The following TMCC3 variants were observed in gnomAD, a reference collection of about 807,000 sequenced individuals.
TMCC3 encodes the protein transmembrane and coiled-coil domain family 3.
TMCC3 carries 28 observed loss-of-function variants against 40.2 expected under a neutral mutation model. That is an observed-to-expected ratio of 0.70 (90% confidence interval 0.52 to 0.95). TMCC3 has a LOEUF of 0.95. TMCC3 is among the 40% of genes least tolerant of loss of function. The pLI, the probability that TMCC3 is intolerant of heterozygous loss-of-function variation, is 0.00. For missense variants in TMCC3, 554 were observed against 615.2 expected, an observed-to-expected ratio of 0.90 and a Z score of 1.05; for synonymous variants, 255 against 248.5, an observed-to-expected ratio of 1.03 and a Z score of -0.25.
At chr12:94,628,540 T>C (rs577005303) in intron 1 of TMCC3, among the ~76,000 whole-genome samples, 74 of 152,348 alleles carry the variant, frequency 4.9e-4, no homozygotes, top group East Asian at 3.9e-3. Flanking sequence ...ACAGAATGAC[T>C]GGCAGGAGTG....
chr12:94,572,324 TTTTTGA>T (rs1437137655), intron 3 of TMCC3, among the ~76,000 whole-genome samples: 5 of 128,608 alleles, frequency 3.9e-5, no homozygotes, highest in African/African-American at 8.5e-5. Context: ...TTTTTTTTTT[TTTTTGA>T]GACAGAGTTT....
At chr12:94,633,586 G>A (rs1425676355) in intron 1 of TMCC3, among the ~76,000 whole-genome samples, 2 of 152,072 alleles carry the variant, frequency 1.3e-5, no homozygotes, top group Non-Finnish European at 2.9e-5. Context: ...TGTTTCTGAT[G>A]GGCCATTTCA....
intron 1 of TMCC3, among the ~76,000 whole-genome samples, chr12:94,585,659 C>T (rs1045682775): frequency 1.7e-4 from 25 of 149,992 alleles, no homozygotes; most frequent in Non-Finnish European, 1.2e-4. Context: ...GCACTCCAGC[C>T]TGAGTGACAG....
chr12:94,622,593 G>A (rs1035669605), intron 1 of TMCC3, among the ~76,000 whole-genome samples: 2 of 152,036 alleles, frequency 1.3e-5, no homozygotes, highest in African/African-American at 4.8e-5. Flanking sequence ...GACTGATGTC[G>A]ACTCAGGAAA....
At chr12:94,648,375 C>A (rs539171039) in intron 1 of TMCC3, among the ~76,000 whole-genome samples, 7 of 152,088 alleles carry the variant, frequency 4.6e-5, no homozygotes, top group Admixed American at 1.3e-4. Context: ...TACAGGCGCC[C>A]ACCACCACGC....
intron 1 of TMCC3, among the ~76,000 whole-genome samples, chr12:94,638,873 ATTCT>A (rs2068974572): frequency 1.3e-5 from 2 of 152,218 alleles, no homozygotes; most frequent in South Asian, 4.1e-4. Context: ...CACTAAAGGC[ATTCT>A]TTATTTTTGG....
chr12:94,641,454 T>C (rs1004595795), intron 1 of TMCC3, among the ~76,000 whole-genome samples: 11 of 152,018 alleles, frequency 7.2e-5, no homozygotes, highest in African/African-American at 2.7e-4. Context: ...GCTCTCAAAT[T>C]GGCGTGTAAG....
chr12:94,608,655 C>T (rs12582418), intron 1 of TMCC3, among the ~76,000 whole-genome samples: 35,379 of 151,938 alleles, frequency 0.23, 4,362 homozygotes, highest in East Asian at 0.3. Flanking sequence ...TATCTTGACT[C>T]AAACCTGTCT....
At chr12:94,618,757 C>T (rs2068860227) in intron 1 of TMCC3, among the ~76,000 whole-genome samples, 1 of 152,166 alleles carries the variant, frequency 6.6e-6, no homozygotes, top group South Asian at 2.1e-4. Context: ...ACACACAATA[C>T]ACATCTCCAT....
intron 1 of TMCC3, 45 bp downstream of exon 1, chr12:94,650,308 C>A: frequency 8.3e-7 from 1 of 1,201,638 alleles, no homozygotes; most frequent in Non-Finnish European, 1.0e-6. Flanking sequence ...CCGCCTCGCC[C>A]CCGGGCCCGC....
intron 1 of TMCC3, among the ~76,000 whole-genome samples, chr12:94,584,656 T>TA (rs2138829573): frequency 6.6e-6 from 1 of 151,132 alleles, no homozygotes; most frequent in Non-Finnish European, 1.5e-5. Flanking sequence ...CTCCACAACT[T>TA]ACAAACATTC....
intron 1 of TMCC3, among the ~76,000 whole-genome samples, chr12:94,635,676 T>G (rs2068956901): frequency 6.9e-6 from 1 of 145,276 alleles, no homozygotes; most frequent in Admixed American, 6.8e-5. Flanking sequence ...TTTTTTTTTT[T>G]TTTTTTTGAG....
intron 1 of TMCC3, among the ~76,000 whole-genome samples, chr12:94,633,952 T>TA (rs575200302): frequency 1.4e-3 from 206 of 150,368 alleles, no homozygotes; most frequent in African/African-American, 5.0e-3. Flanking sequence ...GTTTTTTATT[T>TA]TTTTTTTTTT....
chr12:94,639,168 G>C (rs971531257), intron 1 of TMCC3, among the ~76,000 whole-genome samples: 1 of 152,180 alleles, frequency 6.6e-6, no homozygotes, highest in Admixed American at 6.5e-5. Context: ...ATAATACAGA[G>C]AGAAGCAAGC....
intron 1 of TMCC3, among the ~76,000 whole-genome samples, chr12:94,635,697 G>A (rs940287047): frequency 7.4e-6 from 1 of 135,334 alleles, no homozygotes. Flanking sequence ...ACGGAGTCTG[G>A]CTCTGTTGCC....
chr12:94,576,047 C>T (rs948956760), intron 3 of TMCC3, among the ~76,000 whole-genome samples: 5 of 152,098 alleles, frequency 3.3e-5, no homozygotes, highest in South Asian at 2.1e-4. Context: ...CAAAGTGCTG[C>T]GATTATAGGC....
At chr12:94,642,482 GTT>G (rs984702780) in intron 1 of TMCC3, among the ~76,000 whole-genome samples, 1 of 152,214 alleles carries the variant, frequency 6.6e-6, no homozygotes, top group African/African-American at 2.4e-5. Flanking sequence ...CCTTTGTAAT[GTT>G]TTTAGTTGGC....
At chr12:94,640,988 T>C (rs1209441734) in intron 1 of TMCC3, among the ~76,000 whole-genome samples, 3 of 152,070 alleles carry the variant, frequency 2.0e-5, no homozygotes, top group Non-Finnish European at 4.4e-5. Context: ...TCACCTGAGG[T>C]CAGGAGTTTG....
chr12:94,646,794 C>A (rs1431746566), intron 1 of TMCC3, among the ~76,000 whole-genome samples: 1 of 150,374 alleles, frequency 6.7e-6, no homozygotes, highest in Non-Finnish European at 1.5e-5. Context: ...ACAATCACTC[C>A]CAGAAGAGTG....
Sources: gnomAD v4.1 joint callset for allele counts (sites outside exome capture counted in the v4.1 genomes callset) on GRCh38, gnomAD v4.1.1 for gene constraint, MANE v1.5 for transcripts, NCBI Gene and HGNC (gene_info 2026-07-23, HGNC 2026-07-21) for gene names.